NALF1: variants seen among roughly 807,000 people sequenced by gnomAD.
NALF1 encodes family with sequence similarity 155 member A.
In NALF1, 3 loss-of-function variants were observed where a neutral mutation model predicts 48.4. That is an observed-to-expected ratio of 0.06 (90% CI 0.03 to 0.16). The LOEUF (loss-of-function observed/expected upper bound fraction) is 0.16, where lower values mean the gene tolerates loss of function less well. Ranked by LOEUF, NALF1 falls within the 10% of genes least tolerant of loss-of-function variation. NALF1 has a pLI of 1.00. For synonymous variants in NALF1, 262 were observed against 245.7 expected, an observed-to-expected ratio of 1.07 and a Z score of -0.62; for missense variants, 526 against 571.5, an observed-to-expected ratio of 0.92 and a Z score of 0.81.
intron 1 of NALF1, among the ~76,000 whole-genome samples, chr13:107,575,310 G>A (rs1002188640): frequency 6.6e-6 from 1 of 152,132 alleles, no homozygotes; most frequent in Non-Finnish European, 1.5e-5. Context: ...CACTCAATTT[G>A]CATTTAAAAA....
intron 2 of NALF1, among the ~76,000 whole-genome samples, chr13:107,187,269 GAGA>G (rs1879194762): frequency 6.6e-6 from 1 of 152,190 alleles, no homozygotes; most frequent in Admixed American, 6.5e-5. Context: ...ATAAACCAGA[GAGA>G]AGGTCACTGG....
chr13:107,395,257 A>T (rs781209602), intron 1 of NALF1, among the ~76,000 whole-genome samples: 1 of 152,132 alleles, frequency 6.6e-6, no homozygotes, highest in African/African-American at 2.4e-5. Flanking sequence ...AATTGATTAC[A>T]TTCATTACAC....
At chr13:107,235,519 TATA>T (rs755222050) in intron 1 of NALF1, among the ~76,000 whole-genome samples, 3 of 152,168 alleles carry the variant, frequency 2.0e-5, no homozygotes, top group Admixed American at 6.5e-5. Flanking sequence ...CATCCTCCCA[TATA>T]CTTTAAATCA....
At chr13:107,828,428 T>C (rs1031109720) in intron 1 of NALF1, among the ~76,000 whole-genome samples, 4 of 152,016 alleles carry the variant, frequency 2.6e-5, no homozygotes, top group Non-Finnish European at 5.9e-5. Context: ...ACTCATCTCA[T>C]TTAATTTGAT....
In NALF1 at chr13:107,412,581, A is replaced by C. The variant is rs77947215; in HGVS notation, c.916-201826T>G. Among the ~76,000 whole-genome samples, 245 of 152,214 alleles carry C rather than the reference A, an allele frequency of 1.6e-3. 2 individuals carry two copies. The highest frequency in any genetic ancestry group is 1.4e-3 in the South Asian group (7 of 4,830). On this transcript the variant is annotated intron_variant, in intron 1 of 2. Transcript: ENST00000375915. ...GAATGATAGTAGTAAATTGCTTGCTATATTTGTGCCCCTGCAGCAAGTCAC... is the reference window on the plus strand; with the variant it reads ...GAATGATAGTAGTAAATTGCTTGCTCTATTTGTGCCCCTGCAGCAAGTCAC...
chr13:107,829,052 C>A (rs991986033), intron 1 of NALF1, among the ~76,000 whole-genome samples: 5 of 152,146 alleles, frequency 3.3e-5, no homozygotes, highest in African/African-American at 1.2e-4. Context: ...CATGAACATG[C>A]CCCCTCTTCT....
intron 1 of NALF1, among the ~76,000 whole-genome samples, chr13:107,406,417 T>C (rs1398507826): frequency 6.6e-6 from 1 of 151,886 alleles, no homozygotes; most frequent in Non-Finnish European, 1.5e-5. Context: ...CCATTTAAAA[T>C]AGTTACACAT....
At chr13:107,406,993 G>A (rs554997269) in intron 1 of NALF1, among the ~76,000 whole-genome samples, 2 of 151,944 alleles carry the variant, frequency 1.3e-5, no homozygotes, top group East Asian at 3.9e-4. Context: ...TTTTGACAAA[G>A]GTGTCAAGAA....
At chr13:107,334,316 CT>C (rs1408226217) in intron 1 of NALF1, among the ~76,000 whole-genome samples, 1 of 152,168 alleles carries the variant, frequency 6.6e-6, no homozygotes, top group Non-Finnish European at 1.5e-5. Flanking sequence ...CTGATTTGCT[CT>C]TTTAGTTGAG....
chr13:107,330,959 T>C (rs1267520771), intron 1 of NALF1, among the ~76,000 whole-genome samples: 1 of 152,230 alleles, frequency 6.6e-6, no homozygotes, highest in African/African-American at 2.4e-5. Context: ...CTTTTTAAAA[T>C]AGTTGACTAT....
At chr13:107,763,075 TGAAA>T (rs149372179) in intron 1 of NALF1, among the ~76,000 whole-genome samples, 7,495 of 150,938 alleles carry the variant, frequency 0.05, 282 homozygotes, top group African/African-American at 0.1. Flanking sequence ...AAATTTAAGC[TGAAA>T]GAAAGAAAAA....
chr13:107,556,549 T>C (rs1244311537), intron 1 of NALF1, among the ~76,000 whole-genome samples: 1 of 152,088 alleles, frequency 6.6e-6, no homozygotes, highest in Non-Finnish European at 1.5e-5. Context: ...TGGAGTGCAA[T>C]GGCGCCATCT....
At chr13:107,609,192 T>C (rs1879155788) in intron 1 of NALF1, among the ~76,000 whole-genome samples, 1 of 152,222 alleles carries the variant, frequency 6.6e-6, no homozygotes, top group Non-Finnish European at 1.5e-5. Context: ...TATCCTGGGC[T>C]AGAAGGCCAG....
At chr13:107,552,605 G>A (rs1446022977) in intron 1 of NALF1, among the ~76,000 whole-genome samples, 1 of 152,062 alleles carries the variant, frequency 6.6e-6, no homozygotes, top group African/African-American at 2.4e-5. Context: ...ACCACTTACA[G>A]GCACCACGGA....
chr13:107,560,538 G>A (rs1329220292), intron 1 of NALF1, among the ~76,000 whole-genome samples: 1 of 151,940 alleles, frequency 6.6e-6, no homozygotes, highest in Admixed American at 6.6e-5. Flanking sequence ...TAAAGGTTCT[G>A]AACTATATTT....
At chr13:107,275,344 G>T (rs1301462305) in intron 1 of NALF1, among the ~76,000 whole-genome samples, 1 of 151,982 alleles carries the variant, frequency 6.6e-6, no homozygotes, top group African/African-American at 2.4e-5. Context: ...TCATCTCCAA[G>T]GTAATAAACT....
At chr13:107,688,905 C>CG (rs1881503409) in intron 1 of NALF1, among the ~76,000 whole-genome samples, 2 of 152,146 alleles carry the variant, frequency 1.3e-5, no homozygotes, top group Non-Finnish European at 2.9e-5. Context: ...CAAAGTGCTG[C>CG]AGACAAGAGT....
intron 1 of NALF1, among the ~76,000 whole-genome samples, chr13:107,666,349 G>T (rs760377343): frequency 6.6e-6 from 1 of 152,134 alleles, no homozygotes; most frequent in Non-Finnish European, 1.5e-5. Flanking sequence ...GGTAGCCATT[G>T]CTTTGATTGT....
intron 1 of NALF1, among the ~76,000 whole-genome samples, chr13:107,514,421 ATATCTATCTATCTATC>A (rs34590190): frequency 0.043 from 6,455 of 148,726 alleles, 234 homozygotes; most frequent in East Asian, 0.11. Context: ...AGCTTCTCCT[ATATCTATCTATCTATC>A]TATCTATCTA....
Sources: gnomAD v4.1 joint callset for allele counts (sites outside exome capture counted in the v4.1 genomes callset) on GRCh38, gnomAD v4.1.1 for gene constraint, MANE v1.5 for transcripts, NCBI Gene and HGNC (gene_info 2026-07-23, HGNC 2026-07-21) for gene names.